The following CNTN6 variants were observed in gnomAD, a reference collection of about 807,000 sequenced individuals.
CNTN6 encodes the protein contactin-6.
In CNTN6, 137 loss-of-function variants were observed where a neutral mutation model predicts 122.8. The ratio of observed to expected loss-of-function variants is 1.12; its 90% CI spans 0.97 to 1.29. The LOEUF (loss-of-function observed/expected upper bound fraction) is 1.29. CNTN6 is among the 50% of genes most tolerant of loss of function. The pLI is 0.00. For synonymous variants in CNTN6, 570 were observed against 426.0 expected, an observed-to-expected ratio of 1.34 and a Z score of -4.16; for missense variants, 1,634 against 1,223.4, an observed-to-expected ratio of 1.34 and a Z score of -5.01.
chr3:1,194,989 C>T (rs937713191), intron 2 of CNTN6, among the ~76,000 whole-genome samples: 3 of 152,110 alleles, frequency 2.0e-5, no homozygotes, highest in Non-Finnish European at 4.4e-5. Context: ...GCATCCTTTT[C>T]ATATGCCTTT....
At chr3:1,208,538 T>C (rs1348377361) in intron 2 of CNTN6, among the ~76,000 whole-genome samples, 1 of 152,094 alleles carries the variant, frequency 6.6e-6, no homozygotes, top group Non-Finnish European at 1.5e-5. Flanking sequence ...ATTTATACTT[T>C]TGGTGTAGTA....
At chr3:1,169,904 G>T (rs1345065238) in intron 2 of CNTN6, among the ~76,000 whole-genome samples, 1 of 151,986 alleles carries the variant, frequency 6.6e-6, no homozygotes, top group African/African-American at 2.4e-5. Flanking sequence ...AGTGATATGG[G>T]TGGCCCATAT....
Position 1,389,268 on chromosome 3 carries a change from T to C in CNTN6, c.2704+3471T>C, listed in dbSNP as rs952579050. Among the ~76,000 whole-genome samples, 7 of 152,150 alleles carry C rather than the reference T, an allele frequency of 4.6e-5. 1 individual carries two copies. The highest frequency in any genetic ancestry group is 1.9e-4 in the East Asian group (1 of 5,172). On this transcript the variant is annotated intron_variant, in intron 20 of 22. Transcript: ENST00000446702. ...AGTGGGGGCCAATATTCAACATTCT[T>C]AAAGAAAACAATTTCAACCCAGAAT... is the stretch of plus-strand genomic sequence containing the variant.
chr3:1,375,884 A>T (rs2126152028), intron 16 of CNTN6, among the ~76,000 whole-genome samples: 1 of 152,250 alleles, frequency 6.6e-6, no homozygotes, highest in East Asian at 1.9e-4. Context: ...AGAGCTAAAC[A>T]TCAGTATGAA....
chr3:1,178,999 G>C (rs2093504795), intron 2 of CNTN6, among the ~76,000 whole-genome samples: 1 of 152,158 alleles, frequency 6.6e-6, no homozygotes, highest in African/African-American at 2.4e-5. Context: ...TTGGCTCGTG[G>C]TTCTGCAGGC....
intron 11 of CNTN6, among the ~76,000 whole-genome samples, chr3:1,349,504 C>G (rs551902669): frequency 6.6e-6 from 1 of 151,392 alleles, no homozygotes; most frequent in South Asian, 2.1e-4. Context: ...ATCTTTTTTG[C>G]ATATTGTAAA....
intron 4 of CNTN6, among the ~76,000 whole-genome samples, chr3:1,268,581 T>C (rs1413829662): frequency 2.6e-5 from 3 of 116,866 alleles, no homozygotes; most frequent in African/African-American, 1.1e-4. Flanking sequence ...CACTCCAGCC[T>C]GGGCGACAGA....
intron 1 of CNTN6, among the ~76,000 whole-genome samples, chr3:1,126,185 G>C (rs994879080): frequency 8.6e-5 from 13 of 151,810 alleles, no homozygotes; most frequent in Admixed American, 8.6e-4. Flanking sequence ...TTCCTTGAAG[G>C]CTTTCTAAGC....
rs529360864 is a variant in CNTN6 at position 1,390,871 on chromosome 3, C to T, written c.2704+5074C>T. 3.3e-5 allele frequency among the ~76,000 whole-genome samples: 5 copies of T among 150,942 alleles called. No homozygotes were observed. In the East Asian group the frequency reaches 9.8e-4, roughly 30 times the overall value. On this transcript the variant is annotated intron_variant, in intron 20 of 22. Coordinates refer to ENST00000446702, the MANE Select transcript of CNTN6 (RefSeq NM_001289080.2). ...ACTAAACCAGGAAGAAGTTGAATCT[C>T]TGAATAGACCAATAACAGGAGCTGA...
intron 4 of CNTN6, among the ~76,000 whole-genome samples, chr3:1,237,425 A>G (rs181945850): frequency 6.6e-6 from 1 of 152,282 alleles, no homozygotes; most frequent in Non-Finnish European, 1.5e-5. Context: ...ACCTAAGAAT[A>G]ATTGGTGTTC....
intron 2 of CNTN6, among the ~76,000 whole-genome samples, chr3:1,206,986 C>CTTTG (rs939033972): frequency 1.3e-5 from 2 of 152,026 alleles, no homozygotes; most frequent in Non-Finnish European, 2.9e-5. Context: ...GGTTTGGGGT[C>CTTTG]TTTGTTTGTT....
intron 2 of CNTN6, among the ~76,000 whole-genome samples, chr3:1,185,513 TTGTC>T (rs1296108262): frequency 1.3e-5 from 2 of 152,136 alleles, no homozygotes; most frequent in African/African-American, 4.8e-5. Context: ...ATGAAACACT[TTGTC>T]TGTGTTTGGT....
At chr3:1,352,788 A>G (rs1469129058) in intron 12 of CNTN6, among the ~76,000 whole-genome samples, 1 of 151,798 alleles carries the variant, frequency 6.6e-6, no homozygotes, top group Non-Finnish European at 1.5e-5. Flanking sequence ...TTGGTCAAAT[A>G]TCTTTCAGAA....
intron 1 of CNTN6, among the ~76,000 whole-genome samples, chr3:1,136,156 A>T (rs2092467185): frequency 1.3e-5 from 2 of 152,192 alleles, no homozygotes; most frequent in Admixed American, 6.5e-5. Flanking sequence ...AGAGAGCTCT[A>T]TTACATCCTT....
intron 7 of CNTN6, among the ~76,000 whole-genome samples, chr3:1,304,010 A>G (rs553251876): frequency 1.3e-5 from 2 of 152,268 alleles, no homozygotes; most frequent in South Asian, 4.1e-4. Context: ...TGACACTCCT[A>G]TGCAGATCTT....
intron 12 of CNTN6, among the ~76,000 whole-genome samples, chr3:1,360,687 T>G (rs1413391168): frequency 6.6e-6 from 1 of 152,034 alleles, no homozygotes; most frequent in East Asian, 1.9e-4. Flanking sequence ...TTTCTAAATA[T>G]TATCTATAAG....
At chr3:1,297,079 C>T (rs1007293591) in intron 6 of CNTN6, among the ~76,000 whole-genome samples, 3 of 152,070 alleles carry the variant, frequency 2.0e-5, no homozygotes, top group African/African-American at 7.2e-5. Flanking sequence ...TGAAGTAGTA[C>T]TCACTACCTT....
At chr3:1,227,750 A>G in intron 3 of CNTN6, 68 bp from the exon 4 acceptor site, 2 of 1,497,064 alleles carry the variant, frequency 1.3e-6, no homozygotes, top group African/African-American at 1.4e-5. Flanking sequence ...TTAGAACTAC[A>G]TGTTTTTTAA....
intron 1 of CNTN6, among the ~76,000 whole-genome samples, chr3:1,127,198 G>A (rs984538486): frequency 6.6e-6 from 1 of 151,838 alleles, no homozygotes; most frequent in African/African-American, 2.4e-5. Context: ...TGTGGAAATA[G>A]GGTTGCTTCA....
Sources: gnomAD v4.1 joint callset for allele counts (sites outside exome capture counted in the v4.1 genomes callset) on GRCh38, gnomAD v4.1.1 for gene constraint, MANE v1.5 for transcripts, NCBI Gene and HGNC (gene_info 2026-07-23, HGNC 2026-07-21) for gene names.